UNC45B: variants seen among roughly 807,000 people sequenced by gnomAD.
The protein encoded by UNC45B is protein unc-45 homolog B.
In UNC45B, 78 loss-of-function variants were observed where a neutral mutation model predicts 98.7. The observed-to-expected ratio is 0.79, with a 90% CI of 0.66 to 0.95. UNC45B has a LOEUF of 0.95. Ranked by LOEUF, UNC45B falls within the 40% of genes least tolerant of loss-of-function variation. The probability of loss-of-function intolerance (pLI) is 0.00; values close to 1 mark genes in which losing one functional copy is unlikely to be tolerated. For missense variants in UNC45B, 1,225 were observed against 1,184.9 expected, an observed-to-expected ratio of 1.03 and a Z score of -0.50; for synonymous variants, 462 against 480.4, an observed-to-expected ratio of 0.96 and a Z score of 0.50.
rs754107498 is a variant in UNC45B, at chr17:35,154,750, CCGGCTGTGGGGCATGTGGAGCAGA to C, written c.639+12_639+35del. On this transcript the variant is annotated intron_variant, in intron 6 of 19. Coordinates refer to ENST00000394570, the MANE Select transcript of UNC45B (RefSeq NM_001267052.2). Reference sequence around the variant, plus strand: ...GCGGCCACCAAGCCAGAGTAAGTGCCCGGCTGTGGGGCATGTGGAGCAGACGACTGCTGGTCCAAGGATCCGGAG... The same window carrying C: ...GCGGCCACCAAGCCAGAGTAAGTGCCCGACTGCTGGTCCAAGGATCCGGAG... The C allele has an allele frequency of 6.4e-7, 1 of 1,572,264 alleles. No individual in the cohort carries two copies. Among genetic ancestry groups the C allele is most frequent in the Non-Finnish European group, 8.6e-7 (1 of 1,164,130 alleles).
At chr17:35,174,123 T>C (rs1360366493) in intron 13 of UNC45B, 119 bp from the exon 14 acceptor site, 11 of 1,408,638 alleles carry the variant, frequency 7.8e-6, no homozygotes, top group Non-Finnish European at 1.1e-5. Context: ...GCCATGGACA[T>C]CTTTGGAGGC....
intron 18 of UNC45B, among the ~76,000 whole-genome samples, chr17:35,182,025 T>G (rs1295889528): frequency 2.0e-5 from 3 of 151,312 alleles, no homozygotes. Context: ...TGTTCAGTGG[T>G]CCCAATAGGA....
chr17:35,156,798 CCT>C (rs756089032), intron 7 of UNC45B, among the ~76,000 whole-genome samples: 1 of 151,956 alleles, frequency 6.6e-6, no homozygotes, highest in Non-Finnish European at 1.5e-5. Context: ...ATGGATCTTT[CCT>C]CTCTTTTTTT....
chr17:35,171,508 G>A, intron 13 of UNC45B, 46 bp downstream of exon 13: 1 of 1,592,962 alleles, frequency 6.3e-7, no homozygotes, highest in South Asian at 1.1e-5. Flanking sequence ...GTGCCACTAG[G>A]CCTCCAAAGG....
chr17:35,178,968 A>C (rs1271056487), intron 17 of UNC45B, among the ~76,000 whole-genome samples: 1 of 152,188 alleles, frequency 6.6e-6, no homozygotes, highest in Non-Finnish European at 1.5e-5. Flanking sequence ...GAAGTCAGGT[A>C]GCGTGATACC....
chr17:35,156,164 A>G (rs1349668861), intron 7 of UNC45B, among the ~76,000 whole-genome samples: 1 of 152,212 alleles, frequency 6.6e-6, no homozygotes, highest in African/African-American at 2.4e-5. Context: ...ATGGAGATGG[A>G]AAGTAGAATA....
chr17:35,152,769 A>T (rs976730392), intron 4 of UNC45B, 124 bp from the exon 5 acceptor site: 1 of 767,728 alleles, frequency 1.3e-6, no homozygotes, highest in African/African-American at 1.7e-5. Flanking sequence ...GAATGAATAC[A>T]TGAATGAACG....
chr17:35,178,775 G>A (rs1008271405), intron 17 of UNC45B, among the ~76,000 whole-genome samples: 2 of 152,198 alleles, frequency 1.3e-5, no homozygotes, highest in Non-Finnish European at 2.9e-5. Flanking sequence ...AGTTTTCCCA[G>A]CACTATTTAT....
At chr17:35,153,977 G>A (rs1349748130) in intron 5 of UNC45B, among the ~76,000 whole-genome samples, 1 of 152,112 alleles carries the variant, frequency 6.6e-6, no homozygotes, top group Admixed American at 6.6e-5. Context: ...GAACCTGCTT[G>A]CTCAACTGCC....
intron 8 of UNC45B, among the ~76,000 whole-genome samples, chr17:35,162,883 T>G (rs1322509147): frequency 2.0e-5 from 3 of 152,204 alleles, no homozygotes. Context: ...CCCACTTCCC[T>G]GTACTACACA....
intron 19 of UNC45B, among the ~76,000 whole-genome samples, chr17:35,185,743 T>A (rs1048775540): frequency 1.3e-4 from 20 of 152,076 alleles, no homozygotes; most frequent in African/African-American, 4.4e-4. Context: ...GAGGAAGGTA[T>A]AGAAGATGAC....
At chr17:35,181,526 C>A (rs1256558349) in intron 18 of UNC45B, among the ~76,000 whole-genome samples, 1 of 152,188 alleles carries the variant, frequency 6.6e-6, no homozygotes, top group African/African-American at 2.4e-5. Flanking sequence ...TATGGTGGCT[C>A]ATGTCTGCAA....
In UNC45B at chr17:35,159,492, G is replaced by T. The variant is rs1157391723; in HGVS notation, c.926G>T (p.Arg309Met). The T allele has an allele frequency of 3.7e-6, 6 of 1,614,018 alleles. No homozygotes were observed. In the African/African-American group the frequency reaches 4.0e-5, roughly 11 times the overall value. Residue 309 changes from arginine to methionine, a missense_variant, in exon 8 of 20, where the codon AGG (arginine) becomes ATG (methionine). Physicochemically the swap from Arg to Met is moderately conservative, Grantham distance 91. Coordinates refer to ENST00000394570, the MANE Select transcript of UNC45B (RefSeq NM_001267052.2). The stretch of plus-strand genomic sequence containing the variant: ...AACCTGCTCAATAAGAATGTTCCCA[G>T]GAAGGACCTTGCCATTCATGACAAC... The part of the protein sequence containing the change: ...ALNLLNKNVP[R>M]KDLAIHDNSR...
intron 14 of UNC45B, among the ~76,000 whole-genome samples, 189 bp from the exon 15 acceptor site, chr17:35,175,779 C>A (rs1209821557): frequency 6.6e-6 from 1 of 152,188 alleles, no homozygotes; most frequent in Non-Finnish European, 1.5e-5. Context: ...TCCTTCCCAG[C>A]CAATTATTCC....
At chr17:35,154,466 T>A (rs1028876560) in intron 5 of UNC45B, 108 bp from the exon 6 acceptor site, 39 of 1,008,684 alleles carry the variant, frequency 3.9e-5, no homozygotes, top group Non-Finnish European at 5.0e-5. Context: ...AATAGAACAA[T>A]GTTCTGAAGA....
In UNC45B at chr17:35,172,861, G is replaced by C. The variant is rs992797915; in HGVS notation, c.1831-1381G>C. 4.6e-5 allele frequency among the ~76,000 whole-genome samples: 7 copies of C among 152,104 alleles called. No individual in the cohort carries two copies. In the South Asian group the frequency reaches 6.2e-4, roughly 14 times the overall value. The stretch of plus-strand genomic sequence containing the variant: ...CAATATACGCATCATTTAGTCTTTT[G>C]GATTATCCGTCTTTTATTTCATTCC... On this transcript the variant is annotated intron_variant, in intron 13 of 19. Coordinates refer to ENST00000394570, the MANE Select transcript of UNC45B (RefSeq NM_001267052.2).
chr17:35,149,099 CAGTG>C (rs1719407438), intron 3 of UNC45B, 90 bp downstream of exon 3: 3 of 1,464,960 alleles, frequency 2.0e-6, no homozygotes, highest in Non-Finnish European at 1.9e-6. Flanking sequence ...GGGGAAGAAA[CAGTG>C]AGTATGGAGT....
Position 35,164,092 on chromosome 17 carries a change from C to T in UNC45B, c.1077C>T (p.Ile359=), listed in dbSNP as rs751614171. The change falls in exon 9 of 20, where the codon ATC becomes ATT. Residue 359 remains isoleucine, a synonymous_variant. Coordinates refer to ENST00000394570, the MANE Select transcript of UNC45B (RefSeq NM_001267052.2). ...DNTRMLASIL[I]NKLYDDLRCD... Reference sequence around the variant, plus strand: ...CCCGCATGCTGGCCTCTATCCTCATCAACAAGCTCTATGATGACCTGCGCT... The same window carrying T: ...CCCGCATGCTGGCCTCTATCCTCATTAACAAGCTCTATGATGACCTGCGCT... 1.2e-6 allele frequency: 2 copies of T among 1,614,136 alleles called. No individual in the cohort carries two copies. Among genetic ancestry groups the T allele is most frequent in the South Asian group, 2.2e-5 (2 of 91,084 alleles).
At position 35,159,433 on chromosome 17, in the gene UNC45B, G is replaced by C; in HGVS notation, c.867G>C (p.Lys289Asn). 6.2e-7 allele frequency: 1 copy of C among 1,614,180 alleles called. No individual in the cohort carries two copies. Among genetic ancestry groups the C allele is most frequent in the Non-Finnish European group, 8.5e-7 (1 of 1,180,014 alleles). Residue 289 changes from lysine to asparagine, a missense_variant, in exon 8 of 20, where the codon AAG becomes AAC. By Grantham distance (94) the Lys-to-Asn change is moderately conservative (BLOSUM62 0). Transcript: ENST00000394570. ...ACCTGCTGGACATGCTAGTCAGCAA[G>C]AAGGTGTCTGGCCAGGGCAGGGATC... ...TSHLLDMLVS[K>N]KVSGQGRDQA...
Sources: allele counts gnomAD v4.1 joint callset (sites outside exome capture counted in the v4.1 genomes callset), GRCh38; gene constraint gnomAD v4.1.1; transcripts MANE v1.5; gene names NCBI Gene and HGNC (gene_info 2026-07-23, HGNC 2026-07-21).